The following ATRNL1 variants were observed in gnomAD, a reference collection of about 807,000 sequenced individuals.
ATRNL1 encodes the protein attractin like 1, also known as attractin-like protein 1.
A neutral mutation model predicts 182.7 loss-of-function variants in ATRNL1; 95 were observed. That is an observed-to-expected ratio of 0.52 (90% CI 0.44 to 0.62). The LOEUF (loss-of-function observed/expected upper bound fraction) is 0.62. ATRNL1 is among the 20% of genes least tolerant of loss of function. The probability of loss-of-function intolerance (pLI) is 0.00; values close to 1 mark genes in which losing one functional copy is unlikely to be tolerated. For synonymous variants in ATRNL1, 576 were observed against 568.3 expected, an observed-to-expected ratio of 1.01 and a Z score of -0.19; for missense variants, 1,471 against 1,679.5, an observed-to-expected ratio of 0.88 and a Z score of 2.17.
chr10:115,655,532 C>T (rs1860276796), intron 26 of ATRNL1, among the ~76,000 whole-genome samples: 2 of 152,082 alleles, frequency 1.3e-5, no homozygotes, highest in African/African-American at 4.8e-5. Flanking sequence ...GTGATAACTA[C>T]TTCTTTTGAA....
chr10:115,162,391 G>T (rs1554883485), intron 6 of ATRNL1, among the ~76,000 whole-genome samples: 1 of 151,978 alleles, frequency 6.6e-6, no homozygotes, highest in Non-Finnish European at 1.5e-5. Context: ...GCGCAGAAAA[G>T]AGCCAGATCA....
At chr10:115,501,457 AAGTT>A (rs1466227835) in intron 24 of ATRNL1, among the ~76,000 whole-genome samples, 1 of 152,162 alleles carries the variant, frequency 6.6e-6, no homozygotes, top group Non-Finnish European at 1.5e-5. Flanking sequence ...TTGGCTCCAT[AAGTT>A]GTTTGATTCC....
intron 27 of ATRNL1, among the ~76,000 whole-genome samples, chr10:115,738,177 C>T (rs886908402): frequency 2.2e-5 from 2 of 92,584 alleles, no homozygotes; most frequent in African/African-American, 3.8e-5. Context: ...CCTGCTCTGT[C>T]GCCCAGGCTG....
At chr10:115,492,158 G>T (rs577926616) in intron 24 of ATRNL1, among the ~76,000 whole-genome samples, 6 of 152,216 alleles carry the variant, frequency 3.9e-5, no homozygotes, top group African/African-American at 1.4e-4. Flanking sequence ...ATCTCGCTGG[G>T]AGCTGCAGCC....
intron 8 of ATRNL1, among the ~76,000 whole-genome samples, chr10:115,212,569 C>T (rs1345150147): frequency 6.6e-6 from 1 of 151,970 alleles, no homozygotes; most frequent in Non-Finnish European, 1.5e-5. Flanking sequence ...TCATTGCCAG[C>T]ACTATTCACA....
chr10:115,617,166 G>A (rs1304802733), intron 26 of ATRNL1, among the ~76,000 whole-genome samples: 1 of 152,228 alleles, frequency 6.6e-6, no homozygotes, highest in Non-Finnish European at 1.5e-5. Flanking sequence ...GCACCAGTGT[G>A]CTCTAGATGT....
At chr10:115,578,615 TA>T (rs1386104468) in intron 26 of ATRNL1, among the ~76,000 whole-genome samples, 2 of 151,682 alleles carry the variant, frequency 1.3e-5, no homozygotes, top group Non-Finnish European at 3.0e-5. Flanking sequence ...TATCTAATTT[TA>T]ATGTCATCTT....
intron 19 of ATRNL1, among the ~76,000 whole-genome samples, chr10:115,377,367 G>A (rs1236515264): frequency 1.3e-5 from 2 of 152,092 alleles, no homozygotes; most frequent in Non-Finnish European, 1.5e-5. Context: ...CTTCCACCAT[G>A]ATAATGAGGC....
At chr10:115,282,408 C>G (rs538007135) in intron 14 of ATRNL1, among the ~76,000 whole-genome samples, 451 of 151,348 alleles carry the variant, frequency 3.0e-3, no homozygotes, top group Non-Finnish European at 4.8e-3. Context: ...TCCCTCCCCC[C>G]TCTCCCCACC....
Position 115,600,759 on chromosome 10 carries a change from G to A in ATRNL1, c.3795+51223G>A, listed in dbSNP as rs114962455. Among the ~76,000 whole-genome samples, 1,169 of 151,970 alleles carry A rather than the reference G, an allele frequency of 7.7e-3. 23 individuals are homozygous for A. The highest frequency in any genetic ancestry group is 0.027 in the African/African-American group (1,122 of 41,500). On this transcript the variant is annotated intron_variant, in intron 26 of 28. Transcript: ENST00000355044. ...GAATTTGATAAAATTTTATTCTGCG[G>A]TTTGTGTTTTCTTTGTTCTACTTAA... is the stretch of plus-strand genomic sequence containing the variant.
intron 25 of ATRNL1, among the ~76,000 whole-genome samples, chr10:115,528,016 T>C (rs1179336667): frequency 1.5e-5 from 1 of 65,708 alleles, no homozygotes; most frequent in Non-Finnish European, 3.0e-5. Context: ...CTTCCTTCCT[T>C]CCTTCCTTCC....
At chr10:115,227,651 G>A (rs1363404845) in intron 9 of ATRNL1, among the ~76,000 whole-genome samples, 2 of 152,166 alleles carry the variant, frequency 1.3e-5, no homozygotes, top group Non-Finnish European at 2.9e-5. Context: ...CAGTAGCAAA[G>A]ACATGGAATC....
intron 28 of ATRNL1, among the ~76,000 whole-genome samples, chr10:115,860,431 G>GTA (rs1951287679): frequency 6.6e-6 from 1 of 152,058 alleles, no homozygotes; most frequent in African/African-American, 2.4e-5. Flanking sequence ...AGGCAGAGCT[G>GTA]TAATGGAGAG....
At chr10:115,866,764 C>T (rs1037417794) in intron 28 of ATRNL1, among the ~76,000 whole-genome samples, 1 of 151,802 alleles carries the variant, frequency 6.6e-6, no homozygotes, top group Non-Finnish European at 1.5e-5. Flanking sequence ...TTTAAAGGAG[C>T]GAGAAGAAAA....
chr10:115,618,330 T>A (rs1037205241), intron 26 of ATRNL1, among the ~76,000 whole-genome samples: 2 of 152,192 alleles, frequency 1.3e-5, no homozygotes, highest in African/African-American at 4.8e-5. Flanking sequence ...GGGAATTTTT[T>A]ACCATCTTGT....
At chr10:115,587,136 G>T (rs150028049) in intron 26 of ATRNL1, among the ~76,000 whole-genome samples, 37,533 of 141,686 alleles carry the variant, frequency 0.26, 6,077 homozygotes, top group East Asian at 0.65. Context: ...TGCGTACTGG[G>T]AGAACCACTG....
At chr10:115,317,396 A>T (rs1306853003) in intron 18 of ATRNL1, among the ~76,000 whole-genome samples, 1 of 152,162 alleles carries the variant, frequency 6.6e-6, no homozygotes, top group Non-Finnish European at 1.5e-5. Context: ...ATTCCATATG[A>T]AATTTAAAGT....
At chr10:115,677,841 G>T (rs1279144582) in intron 26 of ATRNL1, among the ~76,000 whole-genome samples, 4 of 151,922 alleles carry the variant, frequency 2.6e-5, no homozygotes, top group African/African-American at 9.7e-5. Flanking sequence ...CTCTGCATCA[G>T]AGAGCTCCAA....
At chr10:115,250,712 T>C (rs908739187) in intron 10 of ATRNL1, among the ~76,000 whole-genome samples, 2 of 152,208 alleles carry the variant, frequency 1.3e-5, no homozygotes, top group Non-Finnish European at 2.9e-5. Flanking sequence ...TGTCTGAGAA[T>C]GTTCTTGTCC....
Sources: allele counts gnomAD v4.1 joint callset (sites outside exome capture counted in the v4.1 genomes callset), GRCh38; gene constraint gnomAD v4.1.1; transcripts MANE v1.5; gene names NCBI Gene and HGNC (gene_info 2026-07-23, HGNC 2026-07-21).